Variants in TTLL9 observed in about 807,000 individuals in gnomAD.
The protein encoded by TTLL9 is tubulin tyrosine ligase like 9.
TTLL9 carries 47 observed loss-of-function variants against 65.6 expected under a neutral mutation model. The observed-to-expected ratio is 0.72, with a 90% CI of 0.57 to 0.91. The LOEUF (loss-of-function observed/expected upper bound fraction) is 0.91, where lower values mean the gene tolerates loss of function less well. Among genes scored for constraint, TTLL9 ranks in the 40% least tolerant of loss-of-function variants. The pLI, the probability that TTLL9 is intolerant of heterozygous loss-of-function variation, is 0.00. For missense variants in TTLL9, 537 were observed against 568.8 expected, an observed-to-expected ratio of 0.94 and a Z score of 0.57; for synonymous variants, 179 against 204.8, an observed-to-expected ratio of 0.87 and a Z score of 1.07.
chr20:31,873,809 GAAGGAAGGAAGGAAGAAAGA>G (rs1173343675), intron 2 of TTLL9, among the ~76,000 whole-genome samples: 66 of 75,432 alleles, frequency 8.7e-4, no homozygotes, highest in African/African-American at 1.8e-3. Context: ...AGGAAGGAAG[GAAGGAAGGAAGGAAGAAAGA>G]AAGAAAGAAA....
At chr20:31,877,641 T>TG (rs1407150836) in intron 2 of TTLL9, among the ~76,000 whole-genome samples, 1 of 152,206 alleles carries the variant, frequency 6.6e-6, no homozygotes, top group Non-Finnish European at 1.5e-5. Context: ...AAATTCTCAG[T>TG]GCCATTTACT....
chr20:31,879,856 T>C (rs570511684), intron 2 of TTLL9: 1 of 1,550,306 alleles, frequency 6.5e-7, no homozygotes, highest in Admixed American at 2.0e-5. Flanking sequence ...GGTGGCGGTT[T>C]GGATCTGGCC....
At chr20:31,909,956 G>GGGC in intron 6 of TTLL9, 34 bp downstream of exon 6, 1 of 658,908 alleles carries the variant, frequency 1.5e-6, no homozygotes. Context: ...GGGTGGGAGG[G>GGGC]AATGAGTCCC....
intron 3 of TTLL9, among the ~76,000 whole-genome samples, 184 bp from the exon 4 acceptor site, chr20:31,898,289 G>T (rs1174841760): frequency 1.3e-5 from 2 of 152,196 alleles, no homozygotes; most frequent in African/African-American, 4.8e-5. Context: ...TCAATGATTT[G>T]AAGATTCTGT....
intron 6 of TTLL9, among the ~76,000 whole-genome samples, chr20:31,911,831 C>CGCGTGTGT (rs1189084296): frequency 1.4e-5 from 2 of 142,228 alleles, no homozygotes; most frequent in African/African-American, 5.3e-5. Flanking sequence ...TGTGTCTGTG[C>CGCGTGTGT]GTGTGTGTGT....
rs1293174807 is a variant in TTLL9, at chr20:31,943,220, A to G, written c.*199A>G. 6.6e-6 allele frequency: 4 copies of G among 607,934 alleles called. No individual in the cohort carries two copies. Among genetic ancestry groups the G allele is most frequent in the South Asian group, 1.9e-5 (1 of 51,874 alleles). 37.7% of individuals were successfully genotyped at this position (607,934 alleles called of 1,614,324 possible). A position where few individuals can be genotyped will look rare whatever the true frequency, so the allele number is the denominator to read the frequency against. On this transcript the variant is annotated 3_prime_UTR_variant, in exon 15 of 15. Coordinates refer to ENST00000535842, the MANE Select transcript of TTLL9 (RefSeq NM_001008409.5). ...CCAGCCCATCCCCAGGCATCTTTGC[A>G]CCAGGAGACAGCCAATCACTGGGAC...
intron 2 of TTLL9, among the ~76,000 whole-genome samples, chr20:31,885,528 C>T (rs1600526553): frequency 6.6e-6 from 1 of 152,118 alleles, no homozygotes; most frequent in East Asian, 1.9e-4. Context: ...AGATAAAATA[C>T]AAAAAGACAA....
At chr20:31,893,811 A>AT in intron 3 of TTLL9, among the ~76,000 whole-genome samples, 1 of 151,792 alleles carries the variant, frequency 6.6e-6, no homozygotes, top group Admixed American at 6.6e-5. Context: ...AATTTGGAAA[A>AT]TTTTTTAGCC....
rs1255535970 is a variant in TTLL9 at position 31,944,528 on chromosome 20, G to T, written c.*1507G>T. The T allele has an allele frequency of 6.6e-6, 1 of 152,314 alleles. No individual in the cohort carries two copies. Among genetic ancestry groups the T allele is most frequent in the Non-Finnish European group, 1.5e-5 (1 of 68,140 alleles). 9.4% of individuals were successfully genotyped at this position (152,314 alleles called of 1,614,324 possible). A position where few individuals can be genotyped will look rare whatever the true frequency, so the allele number is the denominator to read the frequency against. ...TTGCACAAAAATTATTAGCTTATAA[G>T]ACACCAGCCTTCCCCTTGCTTTCCT... On this transcript the variant is annotated 3_prime_UTR_variant, in exon 15 of 15. Transcript: ENST00000535842.
chr20:31,870,799 GT>G lies in TTLL9; in HGVS notation c.-155del. 2.0e-6 allele frequency: 1 copy of G among 495,334 alleles called. No individual in the cohort carries two copies. 30.7% of individuals were successfully genotyped at this position (495,334 alleles called of 1,614,324 possible). A position where few individuals can be genotyped will look rare whatever the true frequency, so the allele number is the denominator to read the frequency against. ...CCCCCCGGCCGGCCCACAAACTCCC[GT>G]CCCCCTTCCGGCTCTGCCTGGACGT... On this transcript the variant is annotated 5_prime_UTR_variant, in exon 1 of 15. It introduces an in-frame stop codon into an upstream open reading frame of the 5' UTR. Transcript: ENST00000535842. The surrounding 1 kb of genome is among the most constrained non-coding windows in gnomAD (Gnocchi z 6.6).
At chr20:31,888,468 T>TTTTA (rs1394958263) in intron 3 of TTLL9, among the ~76,000 whole-genome samples, 6 of 152,148 alleles carry the variant, frequency 3.9e-5, no homozygotes, top group South Asian at 4.1e-4. Flanking sequence ...ACCTGAGACT[T>TTTTA]TTTATTTATT....
At chr20:31,884,863 C>G (rs553829545) in intron 2 of TTLL9, among the ~76,000 whole-genome samples, 1 of 152,298 alleles carries the variant, frequency 6.6e-6, no homozygotes, top group East Asian at 1.9e-4. Flanking sequence ...CCCTTGCGTT[C>G]TAGGGATCAG....
At chr20:31,909,651 C>A in intron 5 of TTLL9, 86 bp from the exon 6 acceptor site, 2 of 1,280,664 alleles carry the variant, frequency 1.6e-6, no homozygotes, top group South Asian at 1.3e-5. Context: ...ATGGAGGCTG[C>A]AGGGTGGCTG....
chr20:31,933,735 G>T, intron 10 of TTLL9, 65 bp from the exon 11 acceptor site: 1 of 1,521,480 alleles, frequency 6.6e-7, no homozygotes, highest in Non-Finnish European at 9.1e-7. Flanking sequence ...TCAGTCCTGG[G>T]GACTTCGTGG....
chr20:31,905,859 C>T (rs1380662031), intron 4 of TTLL9, among the ~76,000 whole-genome samples: 1 of 152,068 alleles, frequency 6.6e-6, no homozygotes, highest in Non-Finnish European at 1.5e-5. Flanking sequence ...CATGGAGAAA[C>T]CCTGTCTCTA....
At chr20:31,919,732 C>T (rs1039873270) in intron 6 of TTLL9, 132 bp from the exon 7 acceptor site, 3 of 641,368 alleles carry the variant, frequency 4.7e-6, no homozygotes, top group Non-Finnish European at 7.4e-6. Flanking sequence ...CTTCAGCTAG[C>T]CTTCCTCTGG....
At chr20:31,911,826 C>CTGTGCGTGTGTGTGTG (rs1355222310) in intron 6 of TTLL9, among the ~76,000 whole-genome samples, 1 of 121,908 alleles carries the variant, frequency 8.2e-6, no homozygotes, top group Non-Finnish European at 1.7e-5. Flanking sequence ...CTCGGTGTGT[C>CTGTGCGTGTGTGTGTG]TGTGCGTGTG....
At chr20:31,936,365 G>A (rs1483211874) in intron 12 of TTLL9, among the ~76,000 whole-genome samples, 1 of 152,078 alleles carries the variant, frequency 6.6e-6, no homozygotes, top group Non-Finnish European at 1.5e-5. Context: ...AACTACTCAG[G>A]AGGCTGAGGC....
chr20:31,916,275 A>G (rs1365531873), intron 6 of TTLL9, among the ~76,000 whole-genome samples: 1 of 152,236 alleles, frequency 6.6e-6, no homozygotes, highest in Non-Finnish European at 1.5e-5. Context: ...GCCATAGGCA[A>G]TTAGTAGAGA....
Sources: allele counts gnomAD v4.1 joint callset (sites outside exome capture counted in the v4.1 genomes callset), GRCh38; gene constraint gnomAD v4.1.1; non-coding constraint Gnocchi (gnomAD v3.1); transcripts MANE v1.5; gene names NCBI Gene and HGNC (gene_info 2026-07-23, HGNC 2026-07-21).